RBM33: variants seen among roughly 807,000 people sequenced by gnomAD.
RBM33 encodes the protein RNA binding motif protein 33.
A neutral mutation model predicts 132.6 loss-of-function variants in RBM33; 28 were observed. That is an observed-to-expected ratio of 0.21 (90% CI 0.16 to 0.29). The LOEUF (loss-of-function observed/expected upper bound fraction) is 0.29. RBM33 is among the 10% of genes least tolerant of loss of function. The pLI, the probability that RBM33 is intolerant of heterozygous loss-of-function variation, is 1.00. For missense variants in RBM33, 1,291 were observed against 1,518.5 expected, an observed-to-expected ratio of 0.85 and a Z score of 2.49; for synonymous variants, 634 against 593.0, an observed-to-expected ratio of 1.07 and a Z score of -1.01.
chr7:155,754,648 A>G lies in RBM33; in HGVS notation c.2979+9046A>G, dbSNP rs1280246556. ...GCTTTGGTTTGTTCCTTCAAAGGTC[A>G]GCTAATCTTGCTTTTTAAAGATCTC... is the stretch of plus-strand genomic sequence containing the variant. On this transcript the variant is annotated intron_variant, in intron 14 of 17. Transcript: ENST00000401878. Among the ~76,000 whole-genome samples, 3 of 152,376 alleles carry G rather than the reference A, an allele frequency of 2.0e-5. No homozygotes were observed. In the East Asian group the frequency reaches 5.8e-4, roughly 29 times the overall value.
At chr7:155,739,677 T>C (rs1402859738) in intron 11 of RBM33, 38 bp from the exon 12 acceptor site, 1 of 1,515,438 alleles carries the variant, frequency 6.6e-7, no homozygotes, top group East Asian at 2.5e-5. Flanking sequence ...GGTGTAACCA[T>C]TTATGAACTG....
intron 9 of RBM33, among the ~76,000 whole-genome samples, chr7:155,735,239 A>G (rs922971833): frequency 6.6e-6 from 1 of 152,214 alleles, no homozygotes; most frequent in Non-Finnish European, 1.5e-5. Context: ...TTGACTTCAA[A>G]CAAGAGATGA....
At chr7:155,673,748 G>A (rs866694286) in intron 3 of RBM33, among the ~76,000 whole-genome samples, 1 of 121,088 alleles carries the variant, frequency 8.3e-6, no homozygotes, top group African/African-American at 3.1e-5. Flanking sequence ...ATACACACGT[G>A]TATATACGCG....
rs79438797 is a variant in RBM33 at position 155,671,327 on chromosome 7, G to T, written c.123-1540G>T. On this transcript the variant is annotated intron_variant, in intron 2 of 17. Coordinates refer to ENST00000401878, the MANE Select transcript of RBM33 (RefSeq NM_053043.3). ...TGTGAAAGATTGTTTTTCAAGGGCT[G>T]TTAAGTTCTTGTCCTGCATCTGTCA... Among the ~76,000 whole-genome samples the T allele has an allele frequency of 2.0e-4, 30 of 152,320 alleles. No individual in the cohort carries two copies. In the East Asian group the frequency reaches 5.8e-3, roughly 29 times the overall value.
intron 7 of RBM33, 126 bp downstream of exon 7, chr7:155,707,194 G>A (rs1800142010): frequency 4.6e-6 from 4 of 868,890 alleles, no homozygotes; most frequent in Non-Finnish European, 7.6e-6. Flanking sequence ...CAGGGGTAAT[G>A]GCTGAAGTTT....
At chr7:155,687,079 A>G (rs1195187516) in intron 5 of RBM33, among the ~76,000 whole-genome samples, 7 of 152,194 alleles carry the variant, frequency 4.6e-5, no homozygotes, top group Non-Finnish European at 1.0e-4. Context: ...TGGTTGAACT[A>G]GTTTACAGTC....
chr7:155,762,218 G>C (rs908880415), intron 14 of RBM33, among the ~76,000 whole-genome samples: 3 of 152,308 alleles, frequency 2.0e-5, no homozygotes, highest in Non-Finnish European at 4.4e-5. Context: ...AGGTTTCTCA[G>C]ATTTCTGGCT....
intron 1 of RBM33, among the ~76,000 whole-genome samples, chr7:155,653,575 C>G (rs1798413430): frequency 1.5e-5 from 1 of 66,862 alleles, no homozygotes; most frequent in South Asian, 6.1e-4. Flanking sequence ...CCCAGCCTCC[C>G]TCGAGGGGAG....
At chr7:155,704,147 T>C (rs981557641) in intron 6 of RBM33, among the ~76,000 whole-genome samples, 5 of 152,210 alleles carry the variant, frequency 3.3e-5, no homozygotes, top group African/African-American at 9.7e-5. Flanking sequence ...AACATTCATA[T>C]ATATGACAGC....
At chr7:155,690,444 A>G (rs1035813712) in intron 5 of RBM33, among the ~76,000 whole-genome samples, 1 of 152,110 alleles carries the variant, frequency 6.6e-6, no homozygotes, top group Non-Finnish European at 1.5e-5. Context: ...GTGTCTTTTA[A>G]TTGGAGCATT....
At chr7:155,737,706 T>C (rs761884619) in intron 10 of RBM33, 44 bp downstream of exon 10, 117 of 1,496,988 alleles carry the variant, frequency 7.8e-5, no homozygotes, top group Non-Finnish European at 1.0e-4. Flanking sequence ...AGAAGCTGCA[T>C]TGGGTGATGT....
chr7:155,743,823 C>T (rs932053281), intron 13 of RBM33, among the ~76,000 whole-genome samples: 10 of 152,144 alleles, frequency 6.6e-5, no homozygotes, highest in African/African-American at 1.9e-4. Flanking sequence ...GCAGTGGCCC[C>T]TTGGGTCCTG....
chr7:155,673,569 TACATACACAC>T (rs1799026728), intron 3 of RBM33, among the ~76,000 whole-genome samples: 1 of 93,186 alleles, frequency 1.1e-5, no homozygotes, highest in Non-Finnish European at 2.2e-5. Flanking sequence ...TACACACATA[TACATACACAC>T]GTGTATATAT....
At chr7:155,738,436 A>T (rs375666061) in intron 11 of RBM33, 33 bp downstream of exon 11, 2 of 1,563,546 alleles carry the variant, frequency 1.3e-6, no homozygotes, top group Non-Finnish European at 1.7e-6. Flanking sequence ...CCAGGGAAAA[A>T]ATGTGTAGCT....
chr7:155,747,460 C>T (rs1801554124), intron 14 of RBM33, among the ~76,000 whole-genome samples: 1 of 152,198 alleles, frequency 6.6e-6, no homozygotes, highest in African/African-American at 2.4e-5. Flanking sequence ...TGCATGTACT[C>T]TGCACTGGCA....
chr7:155,721,675 T>C lies in RBM33; in HGVS notation c.1260+3232T>C, dbSNP rs1219541991. 2.0e-5 allele frequency among the ~76,000 whole-genome samples: 3 copies of C among 152,138 alleles called. No individual in the cohort carries two copies. In the East Asian group the frequency reaches 5.8e-4, roughly 29 times the overall value. ...GTTATAATACCTCTAGTTTTTTTAATTAAAAATTACAGAAATTGAGGCACC... is the reference window on the plus strand; with the variant it reads ...GTTATAATACCTCTAGTTTTTTTAACTAAAAATTACAGAAATTGAGGCACC... On this transcript the variant is annotated intron_variant, in intron 9 of 17. Coordinates refer to ENST00000401878, the MANE Select transcript of RBM33 (RefSeq NM_053043.3).
intron 9 of RBM33, 134 bp downstream of exon 9, chr7:155,718,577 A>C (rs954978723): frequency 1.3e-5 from 9 of 708,550 alleles, no homozygotes; most frequent in Admixed American, 5.3e-5. Context: ...TAATCTCTGC[A>C]ATAGAAAATG....
At position 155,741,809 on chromosome 7, in the gene RBM33, T is replaced by C; in HGVS notation, c.2050-10T>C. 6.3e-7 allele frequency: 1 copy of C among 1,593,696 alleles called. No homozygotes were observed. Among genetic ancestry groups the C allele is most frequent in the East Asian group, 2.3e-5 (1 of 44,384 alleles). On this transcript the variant is annotated splice_polypyrimidine_tract_variant and intron_variant, in intron 12 of 17. Transcript: ENST00000401878. ...ACTTACAATTAGAATCTCTTTCTTT[T>C]TGTGAAAAGAATACAACTTCTCAGA... is the stretch of plus-strand genomic sequence containing the variant.
chr7:155,749,159 G>A (rs920289505), intron 14 of RBM33, among the ~76,000 whole-genome samples: 5 of 152,172 alleles, frequency 3.3e-5, no homozygotes, highest in Admixed American at 6.5e-5. Context: ...AGTGGGGTTA[G>A]TAAGTCTGCT....
Sources: allele counts gnomAD v4.1 joint callset (sites outside exome capture counted in the v4.1 genomes callset), GRCh38; gene constraint gnomAD v4.1.1; transcripts MANE v1.5; gene names NCBI Gene and HGNC (gene_info 2026-07-23, HGNC 2026-07-21).